The following MAP4 variants were observed in gnomAD, a reference collection of about 807,000 sequenced individuals.
MAP4 encodes the protein microtubule associated protein 4.
In MAP4, 76 loss-of-function variants were observed where a neutral mutation model predicts 170.2. The observed-to-expected ratio is 0.45, with a 90% CI of 0.37 to 0.54. The LOEUF (loss-of-function observed/expected upper bound fraction) is 0.54. Among genes scored for constraint, MAP4 ranks in the 20% least tolerant of loss-of-function variants. The probability of loss-of-function intolerance (pLI) is 0.00; values close to 1 mark genes in which losing one functional copy is unlikely to be tolerated. For missense variants in MAP4, 2,506 were observed against 2,748.0 expected, an observed-to-expected ratio of 0.91 and a Z score of 1.97; for synonymous variants, 909 against 994.5, an observed-to-expected ratio of 0.91 and a Z score of 1.62.
chr3:47,885,255 C>T (rs577842351), intron 10 of MAP4, among the ~76,000 whole-genome samples: 2 of 152,098 alleles, frequency 1.3e-5, no homozygotes, highest in Non-Finnish European at 1.5e-5. Context: ...AGGGGATGGA[C>T]GCAGTGGCTC....
intron 16 of MAP4, among the ~76,000 whole-genome samples, chr3:47,867,548 A>G (rs2151758680): frequency 6.7e-6 from 1 of 150,322 alleles, no homozygotes; most frequent in East Asian, 1.9e-4. Context: ...TGAACAGACA[A>G]CACAACGACA....
At chr3:48,076,409 GGAGA>G (rs1559909564) in intron 1 of MAP4, among the ~76,000 whole-genome samples, 1 of 151,874 alleles carries the variant, frequency 6.6e-6, no homozygotes, top group East Asian at 1.9e-4. Context: ...GGCTGAGGCA[GGAGA>G]ATGGCATGAA....
intron 7 of MAP4, among the ~76,000 whole-genome samples, 197 bp downstream of exon 7, chr3:47,915,754 G>A (rs2100038412): frequency 6.6e-6 from 1 of 152,182 alleles, no homozygotes; most frequent in Non-Finnish European, 1.5e-5. Flanking sequence ...AATCAGCAGA[G>A]AATGAACATA....
intron 2 of MAP4, among the ~76,000 whole-genome samples, chr3:47,979,884 G>A (rs534714845): frequency 6.6e-6 from 1 of 152,192 alleles, no homozygotes; most frequent in South Asian, 2.1e-4. Flanking sequence ...GAGTGCAGTA[G>A]TGCAATCGTG....
chr3:47,913,036 C>T (rs569840450), intron 8 of MAP4, among the ~76,000 whole-genome samples: 2 of 152,300 alleles, frequency 1.3e-5, no homozygotes, highest in African/African-American at 4.8e-5. Context: ...AGAACCAGAG[C>T]ATCCTACTTT....
chr3:48,060,726 C>A (rs2100134730), intron 1 of MAP4, among the ~76,000 whole-genome samples: 1 of 148,730 alleles, frequency 6.7e-6, no homozygotes, highest in Admixed American at 6.7e-5. Flanking sequence ...CCAGCCTGGG[C>A]AACGTGTCGA....
At chr3:48,013,981 G>A (rs970710669) in intron 1 of MAP4, among the ~76,000 whole-genome samples, 7 of 152,034 alleles carry the variant, frequency 4.6e-5, no homozygotes, top group Non-Finnish European at 8.8e-5. Flanking sequence ...TTAGTGAGCC[G>A]GGTTTTTTAA....
chr3:47,967,581 G>T (rs981951615), intron 3 of MAP4, among the ~76,000 whole-genome samples: 1 of 152,186 alleles, frequency 6.6e-6, no homozygotes, highest in Non-Finnish European at 1.5e-5. Flanking sequence ...GAACCTGGAA[G>T]GTGGAGGCTG....
At chr3:47,880,565 A>G (rs2096553518) in intron 10 of MAP4, among the ~76,000 whole-genome samples, 1 of 148,460 alleles carries the variant, frequency 6.7e-6, no homozygotes, top group Admixed American at 6.8e-5. Flanking sequence ...TCCTGGGCTC[A>G]AGAGACCCTA....
chr3:47,909,173 T>G lies in MAP4; in HGVS notation c.5248A>C (p.Lys1750Gln), dbSNP rs768604227. Residue 1750 changes from lysine to glutamine, a missense_variant, in exon 9 of 21, where the codon AAA (lysine) becomes CAA (glutamine). Coordinates refer to ENST00000683076, the MANE Select transcript of MAP4 (RefSeq NM_001385682.1). ...KSESKTPGEG[K>Q]KEDKSRMAEP... ...GCCATTCTGCTTTTATCTTCCTTTT[T>G]CCCTTCTCCTGGTGTCTTTGATTCA... is the stretch of plus-strand genomic sequence containing the variant. 1.2e-6 allele frequency: 2 copies of G among 1,613,900 alleles called. No individual in the cohort carries two copies. The highest frequency in any genetic ancestry group is 1.7e-6 in the Non-Finnish European group (2 of 1,179,906).
intron 1 of MAP4, among the ~76,000 whole-genome samples, chr3:48,061,695 CG>C (rs2100135428): frequency 6.7e-6 from 1 of 149,958 alleles, no homozygotes; most frequent in Admixed American, 6.6e-5. Flanking sequence ...GCAGCCGCCC[CG>C]TCTGGGAAGT....
intron 1 of MAP4, among the ~76,000 whole-genome samples, chr3:48,062,505 A>AC (rs1307221458): frequency 4.0e-5 from 6 of 150,300 alleles, no homozygotes; most frequent in Non-Finnish European, 7.4e-5. Context: ...AAAAAAAAAA[A>AC]AAAAAAAAAA....
Position 47,911,120 on chromosome 3 carries a change from T to G in MAP4, c.3301A>C (p.Ser1101Arg). ...CCTTCAGTTTTAGAGACTGGCTCAC[T>G]CGGTATGAGAACAGCCCTTCCGTCC... is the stretch of plus-strand genomic sequence containing the variant. ...QKDGRAVLIP[S>R]EPVSKTEGMT... Residue 1101 changes from serine to arginine, a missense_variant, in exon 9 of 21, where the codon AGT becomes CGT. Coordinates refer to ENST00000683076, the MANE Select transcript of MAP4 (RefSeq NM_001385682.1). This position sits in a 1 kb window ranked among gnomAD's most constrained non-coding sequence, Gnocchi z 4.0. The G allele has an allele frequency of 1.3e-6, 2 of 1,536,140 alleles. No individual in the cohort carries two copies.
chr3:48,063,775 TA>T (rs745879476), intron 1 of MAP4, among the ~76,000 whole-genome samples: 7 of 152,180 alleles, frequency 4.6e-5, no homozygotes, highest in Non-Finnish European at 7.3e-5. Context: ...TAATTCTAAC[TA>T]TACGACATTG....
chr3:48,025,989 A>C (rs2100112945), intron 1 of MAP4, among the ~76,000 whole-genome samples: 1 of 150,980 alleles, frequency 6.6e-6, no homozygotes, highest in Non-Finnish European at 1.5e-5. Flanking sequence ...TGTCATTAGA[A>C]CTATAAAGCA....
At position 47,987,414 on chromosome 3, in the gene MAP4, G is replaced by T. The variant is rs762160798; in HGVS notation, c.224-9481C>A. ...GAAGATGAAAAGAAAGGCTGGCAGG[G>T]TGTGGGGGTAGTGGGAGGTCTAGAA... is the stretch of plus-strand genomic sequence containing the variant. On this transcript the variant is annotated intron_variant, in intron 2 of 20. Coordinates refer to ENST00000683076, the MANE Select transcript of MAP4 (RefSeq NM_001385682.1). 5.9e-6 allele frequency: 9 copies of T among 1,533,132 alleles called. No individual in the cohort carries two copies. In the South Asian group the frequency reaches 1.1e-4, roughly 18 times the overall value. 95.0% of individuals were successfully genotyped at this position (1,533,132 alleles called of 1,614,324 possible).
At position 47,881,482 on chromosome 3, in the gene MAP4, A is replaced by G. The variant is rs1012059853; in HGVS notation, c.5435-3959T>C. On this transcript the variant is annotated intron_variant, in intron 10 of 20. Transcript: ENST00000683076. ...TATATATATATATATATATATATAT[A>G]TATATATATATATATGCATAATCAT... Among the ~76,000 whole-genome samples the G allele has an allele frequency of 3.2e-4, 31 of 98,310 alleles. 2 individuals carry two copies. Among genetic ancestry groups the G allele is most frequent in the Non-Finnish European group, 5.9e-4 (27 of 45,884 alleles). 64.5% of individuals were successfully genotyped at this position (98,310 alleles called of 152,430 possible). A position where few individuals can be genotyped will look rare whatever the true frequency, so the allele number is the denominator to read the frequency against.
chr3:48,040,425 T>C (rs575047686), intron 1 of MAP4, among the ~76,000 whole-genome samples: 106 of 149,950 alleles, frequency 7.1e-4, no homozygotes, highest in Middle Eastern at 3.4e-3. Flanking sequence ...CCTGCAGCCA[T>C]GCCCAACTAA....
intron 2 of MAP4, among the ~76,000 whole-genome samples, chr3:47,980,400 C>A (rs1475457536): frequency 1.3e-5 from 2 of 152,088 alleles, no homozygotes; most frequent in African/African-American, 4.8e-5. Flanking sequence ...TGAATATCTA[C>A]AATATATGCT....
Sources: gnomAD v4.1 joint callset for allele counts (sites outside exome capture counted in the v4.1 genomes callset) on GRCh38, gnomAD v4.1.1 for gene constraint, Gnocchi (gnomAD v3.1) non-coding constraint, MANE v1.5 for transcripts, NCBI Gene and HGNC (gene_info 2026-07-23, HGNC 2026-07-21) for gene names.